KCNN2: variants seen among roughly 807,000 people sequenced by gnomAD.
KCNN2 encodes potassium calcium-activated channel subfamily N member 2.
A neutral mutation model predicts 55.5 loss-of-function variants in KCNN2; 24 were observed. The observed-to-expected ratio is 0.43, with a 90% confidence interval of 0.31 to 0.61. The LOEUF (loss-of-function observed/expected upper bound fraction) is 0.61, where lower values mean the gene tolerates loss of function less well. Ranked by LOEUF, KCNN2 falls within the 20% of genes least tolerant of loss-of-function variation. The pLI is 0.08. For missense variants in KCNN2, 754 were observed against 853.6 expected (o/e 0.88, Z 1.45); for synonymous variants, 431 against 336.1 (o/e 1.28, Z -3.09).
chr5:114,071,264 A>T (rs1002728031), intron 1 of KCNN2, among the ~76,000 whole-genome samples: 8 of 152,170 alleles, frequency 5.3e-5, no homozygotes, highest in Non-Finnish European at 1.2e-4. Flanking sequence ...AAAATTCCCT[A>T]AACTACAGAG....
chr5:114,427,858 A>T (rs1202763135), intron 3 of KCNN2, among the ~76,000 whole-genome samples: 1 of 152,222 alleles, frequency 6.6e-6, no homozygotes, highest in Non-Finnish European at 1.5e-5. Flanking sequence ...ACTGCATTAT[A>T]ACAGAGTCAT....
chr5:114,098,812 T>A (rs1162345225), intron 1 of KCNN2, among the ~76,000 whole-genome samples: 1 of 152,144 alleles, frequency 6.6e-6, no homozygotes, highest in Non-Finnish European at 1.5e-5. Flanking sequence ...TTTATTTGTA[T>A]AAATTTATGG....
chr5:114,229,642 A>G (rs923069643), intron 2 of KCNN2, among the ~76,000 whole-genome samples: 6 of 152,016 alleles, frequency 3.9e-5, no homozygotes, highest in African/African-American at 1.2e-4. Flanking sequence ...TGTATTATAG[A>G]TGTTAATATA....
At chr5:114,416,092 CA>C (rs1233901595) in intron 3 of KCNN2, among the ~76,000 whole-genome samples, 4 of 151,808 alleles carry the variant, frequency 2.6e-5, no homozygotes, top group Non-Finnish European at 4.4e-5. Context: ...GAGGAAAGAG[CA>C]AAAAAAGACT....
At chr5:114,312,908 C>T (rs1756433839) in intron 2 of KCNN2, among the ~76,000 whole-genome samples, 1 of 152,028 alleles carries the variant, frequency 6.6e-6, no homozygotes, top group Non-Finnish European at 1.5e-5. Flanking sequence ...CACAAGTTGT[C>T]AGTAATTGCA....
chr5:114,176,389 A>C (rs1753131832), intron 1 of KCNN2, among the ~76,000 whole-genome samples: 1 of 152,288 alleles, frequency 6.6e-6, no homozygotes, highest in East Asian at 1.9e-4. Context: ...ATTCATGTCA[A>C]ATTCAGTGAT....
At chr5:114,325,290 G>T (rs1333569619) in intron 2 of KCNN2, among the ~76,000 whole-genome samples, 16 of 152,146 alleles carry the variant, frequency 1.1e-4, no homozygotes, top group Admixed American at 9.2e-4. Flanking sequence ...ATAGTAAAAT[G>T]CAAGAAAAGA....
At chr5:114,157,590 C>T (rs145497277) in intron 1 of KCNN2, among the ~76,000 whole-genome samples, 3,369 of 152,284 alleles carry the variant, frequency 0.022, 69 homozygotes, top group South Asian at 0.045. Flanking sequence ...CACTGACTTC[C>T]ACAATGGTTG....
chr5:114,139,554 A>C (rs974751158), intron 1 of KCNN2, among the ~76,000 whole-genome samples: 8 of 149,764 alleles, frequency 5.3e-5, no homozygotes, highest in Admixed American at 2.0e-4. Context: ...ATAGTGGCTG[A>C]ATAGATATTA....
chr5:114,430,425 CAT>C (rs1391707067), intron 3 of KCNN2, among the ~76,000 whole-genome samples: 5 of 151,984 alleles, frequency 3.3e-5, no homozygotes, highest in African/African-American at 1.2e-4. Context: ...ATTGCTGATA[CAT>C]AGAAAAGTAA....
rs191205359 is a variant in KCNN2, at chr5:114,395,272, C to T, written c.1219-9166C>T. On this transcript the variant is annotated intron_variant, in intron 2 of 7. Coordinates refer to ENST00000673685, the MANE Select transcript of KCNN2 (RefSeq NM_021614.4). The stretch of plus-strand genomic sequence containing the variant: ...GTGCTAACTAATCTATGATGATGAG[C>T]TTGAAGTATATTACATTTGGTTATC... Among the ~76,000 whole-genome samples, 559 of 152,228 alleles carry T rather than the reference C, an allele frequency of 3.7e-3. 2 individuals are homozygous for T. The highest frequency in any genetic ancestry group is 0.013 in the African/African-American group (523 of 41,538).
At chr5:114,066,672 T>C (rs1011448594) in intron 1 of KCNN2, among the ~76,000 whole-genome samples, 1 of 152,166 alleles carries the variant, frequency 6.6e-6, no homozygotes, top group East Asian at 1.9e-4. Context: ...CTCTGCCTCC[T>C]GGGTTCAAGC....
chr5:114,102,102 C>A lies in KCNN2; in HGVS notation c.-271+45602C>A, dbSNP rs185790547. Among the ~76,000 whole-genome samples the A allele has an allele frequency of 7.2e-5, 11 of 152,188 alleles. No homozygotes were observed. The East Asian group carries it at 1.4e-3, about 19-fold the overall frequency. On this transcript the variant is annotated intron_variant, in intron 1 of 10. Transcript: ENST00000512097. Reference sequence around the variant, plus strand: ...CGTCCTTTCCAGCATCTGTTGTTTCCTGACTTTTTAATAATTGCCATTGTA... The same window carrying A: ...CGTCCTTTCCAGCATCTGTTGTTTCATGACTTTTTAATAATTGCCATTGTA...
intron 1 of KCNN2, among the ~76,000 whole-genome samples, chr5:114,160,948 C>G (rs542353624): frequency 1.9e-4 from 29 of 152,236 alleles, no homozygotes; most frequent in African/African-American, 6.5e-4. Flanking sequence ...TGGGTCTTGA[C>G]TCTTTATCCA....
At chr5:114,474,048 G>A (rs959715490) in intron 5 of KCNN2, among the ~76,000 whole-genome samples, 2 of 152,146 alleles carry the variant, frequency 1.3e-5, no homozygotes. Context: ...AATGCAATCA[G>A]GCTGTCAGTG....
At chr5:114,355,380 A>G (rs566885872) in intron 2 of KCNN2, among the ~76,000 whole-genome samples, 1 of 152,314 alleles carries the variant, frequency 6.6e-6, no homozygotes, top group East Asian at 1.9e-4. Context: ...GAAAATATAC[A>G]CTGGATTTCA....
chr5:114,445,443 A>C (rs558529061), intron 3 of KCNN2, among the ~76,000 whole-genome samples: 1 of 152,222 alleles, frequency 6.6e-6, no homozygotes, highest in Non-Finnish European at 1.5e-5. Context: ...TAAAATACAC[A>C]AGTTAAGAAA....
At chr5:114,448,168 T>G (rs756479361) in intron 3 of KCNN2, among the ~76,000 whole-genome samples, 6 of 152,262 alleles carry the variant, frequency 3.9e-5, no homozygotes, top group African/African-American at 7.2e-5. Flanking sequence ...CTTTCTCACT[T>G]TCAGCTCCCC....
intron 1 of KCNN2, among the ~76,000 whole-genome samples, chr5:114,155,863 G>C (rs1474333826): frequency 2.0e-5 from 3 of 152,146 alleles, no homozygotes; most frequent in African/African-American, 7.2e-5. Context: ...TTCTTTTGCT[G>C]TACAGAAGCT....
Sources: gnomAD v4.1 joint callset for allele counts (sites outside exome capture counted in the v4.1 genomes callset) on GRCh38, gnomAD v4.1.1 for gene constraint, MANE v1.5 for transcripts, NCBI Gene and HGNC (gene_info 2026-07-23, HGNC 2026-07-21) for gene names.